The following PML variants were observed in gnomAD, a reference collection of about 807,000 sequenced individuals.
PML encodes protein PML.
PML carries 28 observed loss-of-function variants against 65.2 expected under a neutral mutation model. That is an observed-to-expected ratio of 0.43 (90% CI 0.32 to 0.59). The LOEUF is 0.59. Ranked by LOEUF, PML falls within the 20% of genes least tolerant of loss-of-function variation. PML has a pLI of 0.08. For missense variants in PML, 1,021 were observed against 1,203.4 expected, an observed-to-expected ratio of 0.85 and a Z score of 2.24; for synonymous variants, 500 against 508.8, an observed-to-expected ratio of 0.98 and a Z score of 0.23.
intron 2 of PML, among the ~76,000 whole-genome samples, chr15:74,003,291 G>A (rs975973472): frequency 1.3e-5 from 2 of 152,068 alleles, no homozygotes; most frequent in African/African-American, 4.8e-5. Context: ...AATTAGCCGG[G>A]CGTGGTGGCG....
At chr15:74,028,976 T>A (rs904554704) in intron 4 of PML, among the ~76,000 whole-genome samples, 2 of 152,240 alleles carry the variant, frequency 1.3e-5, no homozygotes, top group Non-Finnish European at 2.9e-5. Flanking sequence ...TACAGATATC[T>A]CCTTGAGACC....
intron 4 of PML, chr15:74,027,632 C>G (rs548356055): frequency 6.6e-6 from 1 of 152,354 alleles, no homozygotes; most frequent in East Asian, 1.9e-4. Flanking sequence ...CTTCCAGATG[C>G]TAGTCATTGG....
At chr15:74,027,977 T>C (rs1037325066) in intron 4 of PML, 3 of 152,082 alleles carry the variant, frequency 2.0e-5, no homozygotes, top group African/African-American at 4.8e-5. Flanking sequence ...AAGGCAGGAG[T>C]TGGGCATCTA....
chr15:74,023,075 C>T lies in PML; in HGVS notation c.850C>T (p.Arg284Cys). 1 of 1,602,882 alleles carries T rather than the reference C, an allele frequency of 6.2e-7. No homozygotes were observed. Among genetic ancestry groups the T allele is most frequent in the Non-Finnish European group, 8.5e-7 (1 of 1,178,658 alleles). The part of the protein sequence containing the change: ...ETEELIRERV[R>C]QVVAHVRAQE... ...CGAGGAGCTGATCCGCGAGCGCGTG[C>T]GCCAGGTGGTAGCTCACGTGCGGGC... Residue 284 changes from arginine (R) to cysteine (C), a missense_variant, in exon 3 of 9, where the codon CGC (arginine) becomes TGC (cysteine). Arg to Cys is a radical substitution (Grantham distance 180). Transcript: ENST00000268058.
chr15:74,014,711 G>A (rs1280662821), intron 2 of PML, among the ~76,000 whole-genome samples: 2 of 151,476 alleles, frequency 1.3e-5, no homozygotes, highest in Admixed American at 6.6e-5. Flanking sequence ...GCAGTGAGCC[G>A]AGATCATGCC....
rs1378297319 is a variant in PML at position 73,998,384 on chromosome 15, C to A, written c.510C>A (p.Arg170=). 1 of 1,614,010 alleles carries A rather than the reference C, an allele frequency of 6.2e-7. No individual in the cohort carries two copies. Among genetic ancestry groups the A allele is most frequent in the Non-Finnish European group, 8.5e-7 (1 of 1,179,978 alleles). ...KHEARPLAEL[R]NQSVREFLDG... ...AGGCCCGGCCCCTAGCAGAGCTGCGCAACCAGTCGGTGCGTGAGTTCCTGG... is the reference window on the plus strand; with the variant it reads ...AGGCCCGGCCCCTAGCAGAGCTGCGAAACCAGTCGGTGCGTGAGTTCCTGG... Residue 170 remains arginine (R), a synonymous_variant, in exon 2 of 9, where the codon CGC becomes CGA. Coordinates refer to ENST00000268058, the MANE Select transcript of PML (RefSeq NM_033238.3).
At chr15:74,003,755 G>A (rs1310762123) in intron 2 of PML, among the ~76,000 whole-genome samples, 1 of 151,922 alleles carries the variant, frequency 6.6e-6, no homozygotes, top group Non-Finnish European at 1.5e-5. Flanking sequence ...TGGTTTCATT[G>A]CTCATGATAA....
intron 2 of PML, among the ~76,000 whole-genome samples, chr15:74,011,075 T>G (rs1012466252): frequency 6.6e-6 from 1 of 152,210 alleles, no homozygotes; most frequent in African/African-American, 2.4e-5. Flanking sequence ...GGAGGTACTT[T>G]CTCTGTATTT....
At chr15:73,998,566 G>A (rs1247168796) in intron 2 of PML, 90 bp downstream of exon 2, 2 of 1,147,936 alleles carry the variant, frequency 1.7e-6, no homozygotes, top group Non-Finnish European at 2.5e-6. Flanking sequence ...CACAGCTGAG[G>A]ACAAGGAGCT....
Position 74,034,463 on chromosome 15 carries a change from C to T in PML, c.1658-15C>T. The T allele has an allele frequency of 2.5e-6, 4 of 1,614,188 alleles. No homozygotes were observed. The highest frequency in any genetic ancestry group is 2.2e-5 in the South Asian group (2 of 91,084). ...CCTAGGCAGTTCATAATGCATCTCCCCTTCCCCGTTTCAGAGGAACGCGTT... is the reference window on the plus strand; with the variant it reads ...CCTAGGCAGTTCATAATGCATCTCCTCTTCCCCGTTTCAGAGGAACGCGTT... On this transcript the variant is annotated splice_polypyrimidine_tract_variant and intron_variant, in intron 6 of 8. Coordinates refer to ENST00000268058, the MANE Select transcript of PML (RefSeq NM_033238.3).
chr15:74,034,408 G>A (rs1386564239), intron 6 of PML, 70 bp from the exon 7 acceptor site: 3 of 1,611,038 alleles, frequency 1.9e-6, no homozygotes, highest in Non-Finnish European at 8.5e-7. Flanking sequence ...ATTCCCATAG[G>A]TGCACACCCA....
At chr15:74,026,597 GATC>G in intron 4 of PML, 1 of 152,180 alleles carries the variant, frequency 6.6e-6, no homozygotes, top group Non-Finnish European at 1.5e-5. Context: ...CATAGAAAGT[GATC>G]AATAGTGTCT....
rs536738558 is a variant in PML at position 74,010,185 on chromosome 15, A to ATTTTTTT, written c.602+11731_602+11737dup. ...AGACATGCACCACCATGCCCAGCTA[A>ATTTTTTT]TTTTTTTTTTTTTTTTTTTTTTTTT... On this transcript the variant is annotated intron_variant, in intron 2 of 8. Transcript: ENST00000268058. Among the ~76,000 whole-genome samples the ATTTTTTT allele has an allele frequency of 1.8e-3, 137 of 77,932 alleles. 5 individuals carry two copies. The highest frequency in any genetic ancestry group is 5.5e-3 in the African/African-American group (109 of 19,868). 51.1% of individuals were successfully genotyped at this position (77,932 alleles called of 152,430 possible).
At chr15:73,995,462 C>T (rs533683443) in intron 1 of PML, among the ~76,000 whole-genome samples, 15 of 152,340 alleles carry the variant, frequency 9.8e-5, no homozygotes, top group African/African-American at 3.4e-4. Flanking sequence ...GAAGCCTCCC[C>T]AACGAACCCT....
intron 2 of PML, among the ~76,000 whole-genome samples, chr15:74,017,372 C>T (rs531104448): frequency 1.7e-4 from 26 of 152,242 alleles, no homozygotes; most frequent in African/African-American, 2.9e-4. Context: ...GCTGGCTGGG[C>T]GCAGTGGCTC....
rs2141899331 is a variant in PML, at chr15:74,045,622, A to G, written c.*614A>G. 8.6e-6 allele frequency: 2 copies of G among 233,754 alleles called. No individual in the cohort carries two copies. Among genetic ancestry groups the G allele is most frequent in the East Asian group, 1.2e-4 (2 of 16,562 alleles). The allele number at this position is 233,754 out of a possible 1,614,324, so 14.5% of individuals were successfully genotyped here. On this transcript the variant is annotated 3_prime_UTR_variant, in exon 9 of 9. Coordinates refer to ENST00000268058, the MANE Select transcript of PML (RefSeq NM_033238.3). ...ATGTTCCATGCATGTCCCTGCTTCC[A>G]AAGCCTGACCTTCCAAAGCTTGCTT...
intron 2 of PML, among the ~76,000 whole-genome samples, chr15:74,001,866 C>T (rs75532527): frequency 0.096 from 14,598 of 151,916 alleles, 839 homozygotes; most frequent in East Asian, 0.19. Flanking sequence ...CAGGCATGGT[C>T]GGTGGTACAT....
At chr15:73,998,782 G>A (rs1410764149) in intron 2 of PML, among the ~76,000 whole-genome samples, 1 of 152,110 alleles carries the variant, frequency 6.6e-6, no homozygotes, top group Admixed American at 6.5e-5. Flanking sequence ...TGGGTGTAGG[G>A]GGACGGGAAT....
chr15:74,043,479 C>A lies in PML; in HGVS notation c.1861+340C>A. ...AGCTCATTGCCGTGAGCCCTGTCATCCAAGTAAGGCCTCTGGCTGTGCTAC... is the reference window on the plus strand; with the variant it reads ...AGCTCATTGCCGTGAGCCCTGTCATACAAGTAAGGCCTCTGGCTGTGCTAC... On this transcript the variant is annotated intron_variant, in intron 8 of 8. Transcript: ENST00000268058. This position sits in a 1 kb window ranked among gnomAD's most constrained non-coding sequence, Gnocchi z 4.3. 9.6e-7 allele frequency: 1 copy of A among 1,036,764 alleles called. No homozygotes were observed. The highest frequency in any genetic ancestry group is 1.3e-6 in the Non-Finnish European group (1 of 765,654). 64.2% of individuals were successfully genotyped at this position (1,036,764 alleles called of 1,614,324 possible).
Sources: allele counts gnomAD v4.1 joint callset (sites outside exome capture counted in the v4.1 genomes callset), GRCh38; gene constraint gnomAD v4.1.1; non-coding constraint Gnocchi (gnomAD v3.1); transcripts MANE v1.5; gene names NCBI Gene and HGNC (gene_info 2026-07-23, HGNC 2026-07-21).